Variants in FHIT observed in about 807,000 individuals in gnomAD.
The protein encoded by FHIT is bis(5'-adenosyl)-triphosphatase.
FHIT carries 19 observed loss-of-function variants against 17.9 expected under a neutral mutation model. The ratio of observed to expected loss-of-function variants is 1.06; its 90% CI spans 0.74 to 1.56. FHIT has a LOEUF of 1.56. Ranked by LOEUF, FHIT falls within the 40% of genes most tolerant of loss-of-function variation. The pLI is 0.00. For missense variants in FHIT, 248 were observed against 189.2 expected (o/e 1.31, Z -1.82); for synonymous variants, 81 against 69.7 (o/e 1.16, Z -0.81).
rs546707647 is a variant in FHIT, at chr3:60,246,422, C to A, written c.104-232270G>T. ...CTTTACAAACTAGAAACAAACAGTT[C>A]ACAGGTTTCTTAACATTCGTATCAA... On this transcript the variant is annotated intron_variant, in intron 5 of 9. Coordinates refer to ENST00000492590, the MANE Select transcript of FHIT (RefSeq NM_002012.4). Among the ~76,000 whole-genome samples the A allele has an allele frequency of 3.9e-5, 6 of 152,084 alleles. No homozygotes were observed. The East Asian group carries it at 1.2e-3, about 29-fold the overall frequency.
rs374232809 is a variant in FHIT, at chr3:61,208,883, C to T, written c.-212-8218G>A. The stretch of plus-strand genomic sequence containing the variant: ...TATGATGTTAGCTGGTTATTTCGCT[C>T]ATTAGTTGATGTGGTTTCTTCCTAG... On this transcript the variant is annotated intron_variant, in intron 1 of 9. Coordinates refer to ENST00000492590, the MANE Select transcript of FHIT (RefSeq NM_002012.4). Among the ~76,000 whole-genome samples the T allele has an allele frequency of 3.9e-5, 6 of 152,118 alleles. No individual in the cohort carries two copies. The East Asian group carries it at 9.6e-4, about 24-fold the overall frequency.
intron 5 of FHIT, among the ~76,000 whole-genome samples, chr3:60,055,580 G>T (rs1702049830): frequency 6.6e-6 from 1 of 151,802 alleles, no homozygotes; most frequent in Admixed American, 6.6e-5. Flanking sequence ...TGCAAACAAT[G>T]AAGAAAGAAG....
At chr3:60,803,816 C>G (rs1701285347) in intron 4 of FHIT, among the ~76,000 whole-genome samples, 1 of 152,148 alleles carries the variant, frequency 6.6e-6, no homozygotes, top group South Asian at 2.1e-4. Context: ...CAGTTTCTCG[C>G]TGAATGCCAA....
chr3:60,383,330 G>A (rs910063688), intron 5 of FHIT, among the ~76,000 whole-genome samples: 1 of 151,964 alleles, frequency 6.6e-6, no homozygotes, highest in African/African-American at 2.4e-5. Flanking sequence ...TAAAATCACT[G>A]GAAACTTTAA....
intron 5 of FHIT, among the ~76,000 whole-genome samples, chr3:60,044,840 G>A (rs1701584780): frequency 6.6e-6 from 1 of 152,000 alleles, no homozygotes; most frequent in African/African-American, 2.4e-5. Context: ...GAAACCTGGG[G>A]AGACACTGGA....
At chr3:60,009,526 T>C (rs927216887) in intron 7 of FHIT, among the ~76,000 whole-genome samples, 3 of 152,054 alleles carry the variant, frequency 2.0e-5, no homozygotes, top group Non-Finnish European at 4.4e-5. Context: ...GGCCAGATAA[T>C]TGGGACATCA....
intron 3 of FHIT, among the ~76,000 whole-genome samples, chr3:60,922,866 C>A (rs1553768749): frequency 6.6e-6 from 1 of 152,238 alleles, no homozygotes; most frequent in African/African-American, 2.4e-5. Context: ...TCCTACTTTG[C>A]ATCCTCTCAC....
At chr3:60,016,558 C>T (rs1053213842) in intron 5 of FHIT, among the ~76,000 whole-genome samples, 1 of 152,194 alleles carries the variant, frequency 6.6e-6, no homozygotes, top group African/African-American at 2.4e-5. Context: ...GACAGAGTAG[C>T]TGACCTTGAA....
At chr3:60,266,986 G>C (rs1410679167) in intron 5 of FHIT, among the ~76,000 whole-genome samples, 1 of 152,054 alleles carries the variant, frequency 6.6e-6, no homozygotes, top group Non-Finnish European at 1.5e-5. Flanking sequence ...TTCAGCTTTA[G>C]ATGACATTTC....
intron 5 of FHIT, among the ~76,000 whole-genome samples, chr3:60,446,475 A>T (rs186952177): frequency 2.3e-3 from 343 of 152,272 alleles, no homozygotes; most frequent in Middle Eastern, 0.014. Context: ...CACACACTCC[A>T]TAGGTGTGGT....
intron 5 of FHIT, among the ~76,000 whole-genome samples, chr3:60,378,580 A>G (rs1259249053): frequency 2.0e-5 from 3 of 152,202 alleles, no homozygotes; most frequent in Admixed American, 2.0e-4. Flanking sequence ...ATCATTTAGC[A>G]ATAATTTAAG....
chr3:60,327,693 G>A (rs1379610688), intron 5 of FHIT, among the ~76,000 whole-genome samples: 1 of 152,152 alleles, frequency 6.6e-6, no homozygotes, highest in African/African-American at 2.4e-5. Context: ...ATGTTTTAAG[G>A]TAACAGGTAT....
intron 5 of FHIT, among the ~76,000 whole-genome samples, chr3:60,417,094 GA>G (rs34479858): frequency 0.094 from 9,229 of 98,692 alleles, 699 homozygotes; most frequent in African/African-American, 0.26. Flanking sequence ...ATCTCAGAAA[GA>G]AAAAAAAAAA....
intron 4 of FHIT, among the ~76,000 whole-genome samples, chr3:60,770,963 T>G (rs1251045622): frequency 2.6e-5 from 4 of 152,244 alleles, no homozygotes; most frequent in Non-Finnish European, 5.9e-5. Context: ...AAGATTGTTT[T>G]AATCATTCAC....
intron 5 of FHIT, among the ~76,000 whole-genome samples, chr3:60,155,687 G>T (rs923327506): frequency 1.3e-5 from 2 of 151,986 alleles, no homozygotes; most frequent in Admixed American, 6.6e-5. Context: ...AGTCTCCTGG[G>T]TTTTTTTTCT....
intron 4 of FHIT, among the ~76,000 whole-genome samples, chr3:60,551,057 G>T (rs1396894514): frequency 6.6e-6 from 1 of 152,080 alleles, no homozygotes; most frequent in African/African-American, 2.4e-5. Context: ...GACTATATGG[G>T]GATAAAATGT....
At chr3:59,951,856 G>A (rs1219658998) in intron 7 of FHIT, among the ~76,000 whole-genome samples, 2 of 152,114 alleles carry the variant, frequency 1.3e-5, no homozygotes, top group African/African-American at 4.8e-5. Context: ...CTGAGAAATG[G>A]GATTGGTCTT....
rs73832558 is a variant in FHIT, at chr3:60,248,868, C to A, written c.104-234716G>T. ...CAATACAGAAGATGTCCTCTTTATA[C>A]CAGAAGGAAAGTCACATTTTTATCA... On this transcript the variant is annotated intron_variant, in intron 5 of 9. Coordinates refer to ENST00000492590, the MANE Select transcript of FHIT (RefSeq NM_002012.4). Among the ~76,000 whole-genome samples the A allele has an allele frequency of 2.0e-5, 3 of 152,146 alleles. No homozygotes were observed. The South Asian group carries it at 6.2e-4, about 32-fold the overall frequency.
chr3:60,053,233 T>TA (rs767460827), intron 5 of FHIT, among the ~76,000 whole-genome samples: 2 of 151,816 alleles, frequency 1.3e-5, no homozygotes, highest in African/African-American at 4.8e-5. Context: ...CCACACCACC[T>TA]AAAGTAGGCT....
Sources: gnomAD v4.1 joint callset for allele counts (sites outside exome capture counted in the v4.1 genomes callset) on GRCh38, gnomAD v4.1.1 for gene constraint, MANE v1.5 for transcripts, NCBI Gene and HGNC (gene_info 2026-07-23, HGNC 2026-07-21) for gene names.